DYM: variants seen among roughly 807,000 people sequenced by gnomAD.
DYM encodes dymeclin.
In DYM, 78 loss-of-function variants were observed where a neutral mutation model predicts 93.1. That is an observed-to-expected ratio of 0.84 (90% CI 0.70 to 1.01). The LOEUF (loss-of-function observed/expected upper bound fraction) is 1.01. Among genes scored for constraint, DYM ranks in the 50% least tolerant of loss-of-function variants. The pLI, the probability that DYM is intolerant of heterozygous loss-of-function variation, is 0.00. For synonymous variants in DYM, 321 were observed against 319.7 expected (o/e 1.00, Z -0.04); for missense variants, 789 against 845.0 (o/e 0.93, Z 0.82).
At chr18:49,354,164 T>TG (rs1248352457) in intron 6 of DYM, among the ~76,000 whole-genome samples, 1 of 151,946 alleles carries the variant, frequency 6.6e-6, no homozygotes, top group East Asian at 1.9e-4. Context: ...GACAGTATAA[T>TG]GGGGAAAGGT....
intron 17 of DYM, among the ~76,000 whole-genome samples, chr18:49,096,207 C>A (rs183437888): frequency 6.6e-6 from 1 of 152,184 alleles, no homozygotes; most frequent in Non-Finnish European, 1.5e-5. Flanking sequence ...GCTATTACCA[C>A]ATGGTGGTGC....
chr18:49,197,190 G>C lies in DYM; in HGVS notation c.1625+12361C>G, dbSNP rs375394925. Among the ~76,000 whole-genome samples the C allele has an allele frequency of 1.8e-4, 27 of 152,290 alleles. No individual in the cohort carries two copies. In the East Asian group the frequency reaches 3.1e-3, roughly 17 times the overall value. On this transcript the variant is annotated intron_variant, in intron 14 of 17. Transcript: ENST00000675505. ...TCTCAGGACAGGACAAGGGCTCAGA[G>C]TTTCAGCTGGACTATCAATTTGGAA...
chr18:49,194,752 A>T (rs923787567), intron 14 of DYM, among the ~76,000 whole-genome samples: 7 of 151,762 alleles, frequency 4.6e-5, no homozygotes, highest in Non-Finnish European at 8.8e-5. Flanking sequence ...ACAAAAAAAT[A>T]TTTTAAAAAT....
At chr18:49,172,346 T>C (rs561167926) in intron 14 of DYM, among the ~76,000 whole-genome samples, 1 of 152,238 alleles carries the variant, frequency 6.6e-6, no homozygotes, top group South Asian at 2.1e-4. Context: ...TTCATTTCTC[T>C]TGAATACATA....
chr18:49,186,756 A>ATATCTG (rs1488862566), intron 14 of DYM, among the ~76,000 whole-genome samples: 2 of 152,134 alleles, frequency 1.3e-5, no homozygotes, highest in Admixed American at 6.5e-5. Context: ...GCTTTCAGGT[A>ATATCTG]TATCTGTATC....
In DYM at chr18:49,042,137, T is replaced by G. The variant is rs184786221; in HGVS notation, c.*1918A>C. The G allele has an allele frequency of 2.0e-5, 3 of 152,856 alleles. No individual in the cohort carries two copies. Among genetic ancestry groups the G allele is most frequent in the African/African-American group, 7.2e-5 (3 of 41,590 alleles). 9.5% of individuals were successfully genotyped at this position (152,856 alleles called of 1,614,324 possible). ...TGAGAGCGCTTCTCCTCCTTCAGAC[T>G]GGCTCTGCCACAAAGCTAAGTATTA... On this transcript the variant is annotated 3_prime_UTR_variant, in exon 18 of 18. Transcript: ENST00000675505.
intron 13 of DYM, among the ~76,000 whole-genome samples, chr18:49,227,694 G>A (rs79943003): frequency 6.6e-6 from 1 of 152,102 alleles, no homozygotes; most frequent in African/African-American, 2.4e-5. Flanking sequence ...TGCTGAGGTG[G>A]ATGGGTGGAG....
At chr18:49,438,644 C>G (rs1482783484) in intron 1 of DYM, among the ~76,000 whole-genome samples, 2,215 of 152,258 alleles carry the variant, frequency 0.015, 53 homozygotes, top group African/African-American at 0.05. Context: ...CTGCCTAAGC[C>G]CTCACTCCCA....
At chr18:49,081,727 CTT>C (rs2078059563) in intron 17 of DYM, among the ~76,000 whole-genome samples, 1 of 152,218 alleles carries the variant, frequency 6.6e-6, no homozygotes, top group East Asian at 1.9e-4. Flanking sequence ...TTCTCTGACT[CTT>C]TCTCTTCTGG....
chr18:49,361,746 A>C (rs756530895), intron 6 of DYM, among the ~76,000 whole-genome samples: 82 of 152,226 alleles, frequency 5.4e-4, no homozygotes, highest in Non-Finnish European at 7.1e-4. Context: ...TTTGTGACGT[A>C]GTCTCGCTCT....
intron 8 of DYM, among the ~76,000 whole-genome samples, chr18:49,292,349 C>A (rs2060183660): frequency 2.6e-5 from 2 of 75,926 alleles, no homozygotes; most frequent in African/African-American, 7.2e-5. Context: ...GACAGACAGA[C>A]AGACAGACAC....
At chr18:49,401,220 T>C (rs539506178) in intron 2 of DYM, among the ~76,000 whole-genome samples, 1 of 152,302 alleles carries the variant, frequency 6.6e-6, no homozygotes, top group East Asian at 1.9e-4. Flanking sequence ...TTAAAACTAG[T>C]AATCTCTTAG....
chr18:49,176,185 G>A (rs779634962), intron 14 of DYM, among the ~76,000 whole-genome samples: 1 of 152,002 alleles, frequency 6.6e-6, no homozygotes, highest in African/African-American at 2.4e-5. Context: ...CTGAAAGATG[G>A]CTAACAACTT....
intron 15 of DYM, among the ~76,000 whole-genome samples, chr18:49,122,065 T>C (rs1188064786): frequency 2.0e-5 from 3 of 152,202 alleles, no homozygotes; most frequent in Non-Finnish European, 4.4e-5. Flanking sequence ...AGCATATATA[T>C]GTAAAACATG....
At chr18:49,080,766 G>C (rs187769990) in intron 17 of DYM, among the ~76,000 whole-genome samples, 13,297 of 141,214 alleles carry the variant, frequency 0.094, 862 homozygotes, top group East Asian at 0.23. Context: ...CGGGCGGAGG[G>C]GCTCCTCACT....
At chr18:49,206,148 G>A (rs1160250082) in intron 14 of DYM, among the ~76,000 whole-genome samples, 1 of 151,744 alleles carries the variant, frequency 6.6e-6, no homozygotes, top group Non-Finnish European at 1.5e-5. Context: ...ACAAGCGTGT[G>A]CCACCACTCC....
intron 5 of DYM, among the ~76,000 whole-genome samples, chr18:49,374,472 G>C (rs1049365592): frequency 6.6e-6 from 1 of 152,182 alleles, no homozygotes; most frequent in African/African-American, 2.4e-5. Flanking sequence ...AAAGTTTAGG[G>C]GGAAGAGGAA....
chr18:49,130,972 T>C (rs998907890), intron 15 of DYM, among the ~76,000 whole-genome samples: 1 of 152,222 alleles, frequency 6.6e-6, no homozygotes, highest in South Asian at 2.1e-4. Flanking sequence ...CTGAACCTTT[T>C]TGAGCCTCAG....
chr18:49,067,133 G>A (rs199720820), intron 17 of DYM, among the ~76,000 whole-genome samples: 38 of 79,976 alleles, frequency 4.8e-4, no homozygotes, highest in East Asian at 1.1e-3. Context: ...TGAGTGTTAT[G>A]GAGGTTCAGT....
Sources: gnomAD v4.1 joint callset for allele counts (sites outside exome capture counted in the v4.1 genomes callset) on GRCh38, gnomAD v4.1.1 for gene constraint, MANE v1.5 for transcripts, NCBI Gene and HGNC (gene_info 2026-07-23, HGNC 2026-07-21) for gene names.